Variants in DCLRE1B observed in about 807,000 individuals in gnomAD.
The protein encoded by DCLRE1B is 5' exonuclease Apollo.
Under a neutral mutation model 19.8 loss-of-function variants are expected in DCLRE1B, and 6 were observed. The observed-to-expected ratio is 0.30, with a 90% CI of 0.17 to 0.60. DCLRE1B has a LOEUF of 0.60. Ranked by LOEUF, DCLRE1B falls within the 20% of genes least tolerant of loss-of-function variation. The pLI is 0.87. For missense variants in DCLRE1B, 622 were observed against 654.2 expected, an observed-to-expected ratio of 0.95 and a Z score of 0.54; for synonymous variants, 258 against 255.7, an observed-to-expected ratio of 1.01 and a Z score of -0.09.
Position 113,912,359 on chromosome 1 carries a change from C to T in DCLRE1B, c.*168C>T. ...CTTCCCAAAACTTGTTCACTGGGGT[C>T]CTCGTGCCTATGGAATCCTTCTTTT... is the stretch of plus-strand genomic sequence containing the variant. On this transcript the variant is annotated 3_prime_UTR_variant, in exon 4 of 4. Transcript: ENST00000650450. The T allele has an allele frequency of 1.7e-6, 1 of 577,262 alleles. No individual in the cohort carries two copies. Among genetic ancestry groups the T allele is most frequent in the Non-Finnish European group, 2.9e-6 (1 of 346,040 alleles). The allele number at this position is 577,262 out of a possible 1,614,324, so 35.8% of individuals were successfully genotyped here.
At position 113,912,779 on chromosome 1, in the gene DCLRE1B, G is replaced by A. The variant is rs994672378; in HGVS notation, c.*588G>A. 1 of 152,472 alleles carries A rather than the reference G, an allele frequency of 6.6e-6. No homozygotes were observed. The highest frequency in any genetic ancestry group is 1.5e-5 in the Non-Finnish European group (1 of 68,146). The allele number at this position is 152,472 out of a possible 1,614,324, so 9.4% of individuals were successfully genotyped here. On this transcript the variant is annotated 3_prime_UTR_variant, in exon 4 of 4. Coordinates refer to ENST00000650450, the MANE Select transcript of DCLRE1B (RefSeq NM_022836.4). ...CTCTGCCTCTGGGAGGGAACAGGAA[G>A]CGATGAAGAGGTCTTGGAACAGTAG...
rs746372751 is a variant in DCLRE1B at position 113,913,522 on chromosome 1, A to G, written c.*1331A>G. On this transcript the variant is annotated 3_prime_UTR_variant, in exon 4 of 4. Transcript: ENST00000650450. ...TGAGGCATTTGGTGCAGCAGGAAAC[A>G]TGGGGACTGCCTAGGCTCGAATCTG... 5 of 152,792 alleles carry G rather than the reference A, an allele frequency of 3.3e-5. No homozygotes were observed. The highest frequency in any genetic ancestry group is 4.8e-5 in the African/African-American group (2 of 41,448). 9.5% of individuals were successfully genotyped at this position (152,792 alleles called of 1,614,324 possible). A position where few individuals can be genotyped will look rare whatever the true frequency, so the allele number is the denominator to read the frequency against.
Position 113,911,406 on chromosome 1 carries a change from C to T in DCLRE1B, c.814C>T (p.Pro272Ser). 1 of 1,614,214 alleles carries T rather than the reference C, an allele frequency of 6.2e-7. No homozygotes were observed. Among genetic ancestry groups the T allele is most frequent in the South Asian group, 1.1e-5 (1 of 91,088 alleles). The change falls in exon 4 of 4, where the codon CCT (proline) becomes TCT (serine). Residue 272 changes from proline to serine, a missense_variant. Pro to Ser is a moderately conservative substitution (Grantham distance 74). Around this residue, in one of 3 missense-constraint regions of DCLRE1B, gnomAD observed 382 missense variants for 412.5 expected, o/e 0.93. Coordinates refer to ENST00000650450, the MANE Select transcript of DCLRE1B (RefSeq NM_022836.4). ...CTCCCACCCTGATATCCACGTCATC[C>T]CTTACTCTGACCATTCCTCTTACTC... Reference protein sequence around the residue: ...HSSHPDIHVIPYSDHSSYSEL... With the variant: ...HSSHPDIHVISYSDHSSYSEL...
chr1:113,909,627 A>G (rs983329375), intron 3 of DCLRE1B, among the ~76,000 whole-genome samples: 2 of 152,236 alleles, frequency 1.3e-5, no homozygotes, highest in Non-Finnish European at 2.9e-5. Context: ...AGACCTAACC[A>G]TTCTTAATAT....
chr1:113,912,334 C>A lies in DCLRE1B; in HGVS notation c.*143C>A. The A allele has an allele frequency of 1.3e-6, 1 of 754,952 alleles. No individual in the cohort carries two copies. The highest frequency in any genetic ancestry group is 2.8e-5 in the East Asian group (1 of 35,980). 46.8% of individuals were successfully genotyped at this position (754,952 alleles called of 1,614,324 possible). A position where few individuals can be genotyped will look rare whatever the true frequency, so the allele number is the denominator to read the frequency against. ...CTTATGGGCCCACCGTGGAGCAGCA[C>A]TTCCCAAAACTTGTTCACTGGGGTC... is the stretch of plus-strand genomic sequence containing the variant. On this transcript the variant is annotated 3_prime_UTR_variant, in exon 4 of 4. Transcript: ENST00000650450.
chr1:113,907,202 ATGTTTTTTTTTTTT>A (rs777931146), intron 2 of DCLRE1B, 41 bp downstream of exon 2: 6 of 203,218 alleles, frequency 3.0e-5, no homozygotes, highest in Non-Finnish European at 4.5e-5. Flanking sequence ...TCCAGACTAG[ATGTTTTTTTTTTTT>A]TTTTTTTTTT....
At chr1:113,909,470 A>G (rs1460089581) in intron 3 of DCLRE1B, among the ~76,000 whole-genome samples, 4 of 152,228 alleles carry the variant, frequency 2.6e-5, no homozygotes, top group Non-Finnish European at 1.5e-5. Context: ...ACCATTATAA[A>G]TATTTGAAAA....
At position 113,911,828 on chromosome 1, in the gene DCLRE1B, AGTGCCTTTCTGT is replaced by A; in HGVS notation, c.1238_1249del (p.Val413_Cys416del). ...TCTATAGCAAAGAATGGAACAAGGCAGTGCCTTTCTGTGAGTCTCAAAAGAGGGTGACTATGT... is the reference window on the plus strand; with the variant it reads ...TCTATAGCAAAGAATGGAACAAGGCAGAGTCTCAAAAGAGGGTGACTATGT... On this transcript the variant is annotated inframe_deletion, in exon 4 of 4. Coordinates refer to ENST00000650450, the MANE Select transcript of DCLRE1B (RefSeq NM_022836.4). The A allele has an allele frequency of 6.2e-7, 1 of 1,614,256 alleles. No homozygotes were observed. Among genetic ancestry groups the A allele is most frequent in the South Asian group, 1.1e-5 (1 of 91,086 alleles).
upstream of DCLRE1B, chr1:113,904,767 G>GGCTC: frequency 6.7e-7 from 1 of 1,499,454 alleles, no homozygotes; most frequent in Non-Finnish European, 9.3e-7. Context: ...GTAACTCGAG[G>GGCTC]GCTCCTTCTC....
At chr1:113,904,866 C>A, upstream of DCLRE1B, 2 of 730,138 alleles carry the variant, frequency 2.7e-6, no homozygotes, top group Non-Finnish European at 4.8e-6. Flanking sequence ...TTCCGTAGGG[C>A]CGGCACGCTG....
chr1:113,909,275 CTTG>C (rs554365024), intron 3 of DCLRE1B, among the ~76,000 whole-genome samples: 2 of 152,152 alleles, frequency 1.3e-5, no homozygotes, highest in African/African-American at 4.8e-5. Context: ...CAGGTTTGTG[CTTG>C]TTGTACTGAT....
chr1:113,904,988 C>T (rs1668804760), upstream of DCLRE1B: 3 of 460,606 alleles, frequency 6.5e-6, no homozygotes, highest in South Asian at 6.2e-5. Context: ...GCTCCCGCTA[C>T]TTCTAGGTCC....
chr1:113,911,425 C>G lies in DCLRE1B; in HGVS notation c.833C>G (p.Ser278Cys), dbSNP rs946912356. 6.2e-7 allele frequency: 1 copy of G among 1,614,216 alleles called. No individual in the cohort carries two copies. Among genetic ancestry groups the G allele is most frequent in the South Asian group, 1.1e-5 (1 of 91,080 alleles). ...IHVIPYSDHSSYSELRAFVAA... is the reference protein window; with the variant it reads ...IHVIPYSDHSCYSELRAFVAA... ...GTCATCCCTTACTCTGACCATTCCTCTTACTCCGAGCTTCGTGCCTTTGTC... is the reference window on the plus strand; with the variant it reads ...GTCATCCCTTACTCTGACCATTCCTGTTACTCCGAGCTTCGTGCCTTTGTC... The change falls in exon 4 of 4, where the codon TCT (serine) becomes TGT (cysteine). Residue 278 changes from serine to cysteine, a missense_variant. Physicochemically the swap from Ser to Cys is moderately radical, Grantham distance 112. Coordinates refer to ENST00000650450, the MANE Select transcript of DCLRE1B (RefSeq NM_022836.4).
chr1:113,905,259 C>T (rs1668839413), upstream of DCLRE1B: 1 of 373,554 alleles, frequency 2.7e-6, no homozygotes, highest in Non-Finnish European at 4.9e-6. Context: ...GCGCGGCTCC[C>T]TCTGGTGGAG....
chr1:113,911,872 C>A lies in DCLRE1B; in HGVS notation c.1280C>A (p.Ala427Asp). The change falls in exon 4 of 4, where the codon GCC becomes GAC. Residue 427 changes from alanine (A) to aspartate (D), a missense_variant. Transcript: ENST00000650450. Reference protein sequence around the residue: ...ESQKRVTMLTAPLGFSVHLRS... With the variant: ...ESQKRVTMLTDPLGFSVHLRS... Reference sequence around the variant, plus strand: ...CAAAAGAGGGTGACTATGTTGACGGCCCCACTGGGATTTTCAGTGCACTTA... The same window carrying A: ...CAAAAGAGGGTGACTATGTTGACGGACCCACTGGGATTTTCAGTGCACTTA... The A allele has an allele frequency of 6.2e-7, 1 of 1,614,180 alleles. No individual in the cohort carries two copies. Among genetic ancestry groups the A allele is most frequent in the Non-Finnish European group, 8.5e-7 (1 of 1,180,036 alleles).
In DCLRE1B at chr1:113,912,259, GGTGGGAAAGAGTTT is replaced by G; in HGVS notation, c.*71_*84del. The G allele has an allele frequency of 1.4e-6, 2 of 1,469,182 alleles. No homozygotes were observed. The highest frequency in any genetic ancestry group is 1.8e-6 in the Non-Finnish European group (2 of 1,099,046). 91.0% of individuals were successfully genotyped at this position (1,469,182 alleles called of 1,614,324 possible). Reference sequence around the variant, plus strand: ...GTTTTGAAGATAGTAACTGATGGCTGGTGGGAAAGAGTTTGTTTTTGGGGCCTACTTTTCTATCT... The same window carrying G: ...GTTTTGAAGATAGTAACTGATGGCTGGTTTTTGGGGCCTACTTTTCTATCT... On this transcript the variant is annotated 3_prime_UTR_variant, in exon 4 of 4. Transcript: ENST00000650450.
At position 113,912,606 on chromosome 1, in the gene DCLRE1B, G is replaced by A. The variant is rs1435146369; in HGVS notation, c.*415G>A. Reference sequence around the variant, plus strand: ...GTTATTGCTGTTGCTGTTTTGTGGTGTCATGAGCCATTCTCCATGTCCCCT... The same window carrying A: ...GTTATTGCTGTTGCTGTTTTGTGGTATCATGAGCCATTCTCCATGTCCCCT... On this transcript the variant is annotated 3_prime_UTR_variant, in exon 4 of 4. Coordinates refer to ENST00000650450, the MANE Select transcript of DCLRE1B (RefSeq NM_022836.4). 6.4e-6 allele frequency: 1 copy of A among 156,436 alleles called. No homozygotes were observed. The highest frequency in any genetic ancestry group is 1.4e-5 in the Non-Finnish European group (1 of 70,930). 9.7% of individuals were successfully genotyped at this position (156,436 alleles called of 1,614,324 possible).
At position 113,911,225 on chromosome 1, in the gene DCLRE1B, A is replaced by G. The variant is rs933330503; in HGVS notation, c.633A>G (p.Val211=). 4 of 1,614,080 alleles carry G rather than the reference A, an allele frequency of 2.5e-6. No homozygotes were observed. The highest frequency in any genetic ancestry group is 3.3e-5 in the Admixed American group (2 of 60,010). Residue 211 remains valine, a synonymous_variant, in exon 4 of 4, where the codon GTA becomes GTG. Coordinates refer to ENST00000650450, the MANE Select transcript of DCLRE1B (RefSeq NM_022836.4). ...TGAGTCCTCGGCGCCTGGAGTTGGT[A>G]CAGCTACTGGGCCTGGCAGATGTGT... ...VVLSPRRLEL[V]QLLGLADVFT...
chr1:113,912,305 G>A lies in DCLRE1B; in HGVS notation c.*114G>A, dbSNP rs1669294597. 2.7e-6 allele frequency: 3 copies of A among 1,105,234 alleles called. No individual in the cohort carries two copies. The highest frequency in any genetic ancestry group is 1.6e-5 in the African/African-American group (1 of 64,000). The allele number at this position is 1,105,234 out of a possible 1,614,324, so 68.5% of individuals were successfully genotyped here. ...GGGGCCTACTTTTCTATCTTTACAA[G>A]ACTCTTATGGGCCCACCGTGGAGCA... On this transcript the variant is annotated 3_prime_UTR_variant, in exon 4 of 4. Transcript: ENST00000650450.
Sources: allele counts gnomAD v4.1 joint callset (sites outside exome capture counted in the v4.1 genomes callset), GRCh38; gene constraint gnomAD v4.1.1; regional missense constraint gnomAD v4.1.1; transcripts MANE v1.5; gene names NCBI Gene and HGNC (gene_info 2026-07-23, HGNC 2026-07-21).